The following EEF2 variants were observed in gnomAD, a reference collection of about 807,000 sequenced individuals.
The protein encoded by EEF2 is eukaryotic translation elongation factor 2.
In EEF2, 21 loss-of-function variants were observed where a neutral mutation model predicts 85.3. The ratio of observed to expected loss-of-function variants is 0.25; its 90% CI spans 0.17 to 0.35. The LOEUF is 0.35. Among genes scored for constraint, EEF2 ranks in the 10% least tolerant of loss-of-function variants. The pLI is 1.00. For missense variants in EEF2, 825 were observed against 1,225.3 expected, an observed-to-expected ratio of 0.67 and a Z score of 4.88; for synonymous variants, 723 against 508.8, an observed-to-expected ratio of 1.42 and a Z score of -5.67.
rs45443207 is a variant in EEF2 at position 3,981,528 on chromosome 19, A to G, written c.898-76T>C. ...AAGCCTGGCACTGCTTCCTGCTTGG[A>G]AGACTCAGGTCAGCGCAGGGGGACG... is the stretch of plus-strand genomic sequence containing the variant. On this transcript the variant is annotated intron_variant, in intron 6 of 14. Transcript: ENST00000309311. The G allele has an allele frequency of 0.13, 178,935 of 1,391,838 alleles. 20,114 individuals are homozygous for G. The highest frequency in any genetic ancestry group is 0.58 in the African/African-American group (41,167 of 70,508). The allele number at this position is 1,391,838 out of a possible 1,614,324, so 86.2% of individuals were successfully genotyped here.
At chr19:3,980,819 C>G (rs1242451853) in intron 8 of EEF2, 22 bp downstream of exon 8, 1 of 1,577,024 alleles carries the variant, frequency 6.3e-7, no homozygotes, top group Non-Finnish European at 8.6e-7. Flanking sequence ...CATCTCAGGG[C>G]CCGGCCACCG....
At position 3,982,319 on chromosome 19, in the gene EEF2, C is replaced by T; in HGVS notation, c.718G>A (p.Gly240Arg). 2 of 1,614,170 alleles carry T rather than the reference C, an allele frequency of 1.2e-6. No individual in the cohort carries two copies. Among genetic ancestry groups the T allele is most frequent in the Non-Finnish European group, 1.7e-6 (2 of 1,180,026 alleles). The change falls in exon 5 of 15, where the codon GGG becomes AGG. Residue 240 changes from glycine to arginine, a missense_variant. By Grantham distance (125) the Gly-to-Arg change is moderately radical. Transcript: ENST00000309311. Reference sequence around the variant, plus strand: ...TCGGCAGGCCCCAACTGGCCCTCCCCCTTGGCGGCGAACTTGGCCACATAC... The same window carrying T: ...TCGGCAGGCCCCAACTGGCCCTCCCTCTTGGCGGCGAACTTGGCCACATAC... ...EMYVAKFAAKGEGQLGPAERA... is the reference protein window; with the variant it reads ...EMYVAKFAAKREGQLGPAERA...
Position 3,977,834 on chromosome 19 carries a change from C to T in EEF2, c.2052G>A (p.Gln684=). ...EIKDSVVAGF[Q]WATKEGALCE... ...CGTGCCTCACCTCCTTGGTGGCCCA[C>T]TGGAAGCCGGCCACCACACTGTCCT... Residue 684 remains glutamine, a synonymous_variant, in exon 12 of 15, where the codon CAG becomes CAA. Transcript: ENST00000309311. This position sits in a 1 kb window ranked among gnomAD's most constrained non-coding sequence, Gnocchi z 5.4. 6.3e-7 allele frequency: 1 copy of T among 1,585,174 alleles called. No individual in the cohort carries two copies.
In EEF2 at chr19:3,977,643, G is replaced by A. The variant is rs753434776; in HGVS notation, c.2068-33C>T. The A allele has an allele frequency of 8.5e-5, 126 of 1,490,912 alleles. No homozygotes were observed. Among genetic ancestry groups the A allele is most frequent in the Middle Eastern group, 4.2e-4 (2 of 4,714 alleles). The allele number at this position is 1,490,912 out of a possible 1,614,324, so 92.4% of individuals were successfully genotyped here. ...AGGGGGAGAGCCACCGTCAAGGGCC[G>A]GACACACCTCGGCTGCTTGCCCTCC... is the stretch of plus-strand genomic sequence containing the variant. On this transcript the variant is annotated intron_variant, in intron 12 of 14. Transcript: ENST00000309311. This position sits in a 1 kb window ranked among gnomAD's most constrained non-coding sequence, Gnocchi z 5.4.
rs749017577 is a variant in EEF2, at chr19:3,977,521, G to A, written c.2157C>T (p.Gly719=). The change falls in exon 13 of 15, where the codon GGC becomes GGT. Residue 719 remains glycine, a synonymous_variant. Transcript: ENST00000309311. The surrounding 1 kb of genome is among the most constrained non-coding windows in gnomAD (Gnocchi z 5.4). Reference sequence around the variant, plus strand: ...AGCGCCGTGCTGTGGGGATGATCTGGCCCCCTCCGCGGTGGATGGCGTCGG... The same window carrying A: ...AGCGCCGTGCTGTGGGGATGATCTGACCCCCTCCGCGGTGGATGGCGTCGG... ...LHADAIHRGG[G]QIIPTARRCL... is the part of the protein sequence containing the mutation. 6.3e-7 allele frequency: 1 copy of A among 1,590,650 alleles called. No homozygotes were observed. The highest frequency in any genetic ancestry group is 1.1e-5 in the South Asian group (1 of 89,124).
At position 3,977,349 on chromosome 19, in the gene EEF2, TG is replaced by T; in HGVS notation, c.2251-3del. The T allele has an allele frequency of 6.3e-7, 1 of 1,591,234 alleles. No individual in the cohort carries two copies. The highest frequency in any genetic ancestry group is 8.6e-7 in the Non-Finnish European group (1 of 1,169,308). ...GCCACCGACCACCTGCTCTGGACAC[TG>T]CCAGAAGGGAAAGAAAACCTGTCAG... On this transcript the variant is annotated splice_region_variant and splice_polypyrimidine_tract_variant and intron_variant, in intron 13 of 14. Coordinates refer to ENST00000309311, the MANE Select transcript of EEF2 (RefSeq NM_001961.4). This position sits in a 1 kb window ranked among gnomAD's most constrained non-coding sequence, Gnocchi z 5.4.
chr19:3,976,533 A>C lies in EEF2; in HGVS notation c.*21T>G. On this transcript the variant is annotated 3_prime_UTR_variant, in exon 15 of 15. Coordinates refer to ENST00000309311, the MANE Select transcript of EEF2 (RefSeq NM_001961.4). The stretch of plus-strand genomic sequence containing the variant: ...GGGTGCTGCGAGTCCCCGGGGCGGC[A>C]GGCGCTGCAGGAAGGGCCGCCTACA... 6.3e-7 allele frequency: 1 copy of C among 1,588,650 alleles called. No individual in the cohort carries two copies. The highest frequency in any genetic ancestry group is 8.6e-7 in the Non-Finnish European group (1 of 1,168,276).
rs1292862933 is a variant in EEF2 at position 3,977,515 on chromosome 19, G to A, written c.2163C>T (p.Ile721=). 15 of 1,591,934 alleles carry A rather than the reference G, an allele frequency of 9.4e-6. No homozygotes were observed. The highest frequency in any genetic ancestry group is 1.3e-5 in the Non-Finnish European group (15 of 1,174,812). ...AGAGGCAGCGCCGTGCTGTGGGGAT[G>A]ATCTGGCCCCCTCCGCGGTGGATGG... ...ADAIHRGGGQ[I]IPTARRCLYA... The change falls in exon 13 of 15, where the codon ATC becomes ATT. Residue 721 remains isoleucine, a synonymous_variant. Transcript: ENST00000309311. This position sits in a 1 kb window ranked among gnomAD's most constrained non-coding sequence, Gnocchi z 5.4.
Position 3,977,066 on chromosome 19 carries a change from C to A in EEF2, c.2383+149G>T, listed in dbSNP as rs1310193423. 5 of 1,216,584 alleles carry A rather than the reference C, an allele frequency of 4.1e-6. No individual in the cohort carries two copies. The highest frequency in any genetic ancestry group is 5.6e-6 in the Non-Finnish European group (5 of 890,636). The allele number at this position is 1,216,584 out of a possible 1,614,324, so 75.4% of individuals were successfully genotyped here. A position where few individuals can be genotyped will look rare whatever the true frequency, so the allele number is the denominator to read the frequency against. ...CTGGGAATTCAGTGATTTAGGGGGT[C>A]CACAAGCTGTCAGAAACTGGACCAC... On this transcript the variant is annotated intron_variant, in intron 14 of 14. Transcript: ENST00000309311. This position sits in a 1 kb window ranked among gnomAD's most constrained non-coding sequence, Gnocchi z 5.4.
intron 6 of EEF2, 39 bp downstream of exon 6, chr19:3,981,908 A>G (rs1441391541): frequency 6.3e-7 from 1 of 1,587,986 alleles, no homozygotes; most frequent in African/African-American, 1.3e-5. Flanking sequence ...GAGGGCCAAT[A>G]GTCGCATCGG....
At position 3,981,429 on chromosome 19, in the gene EEF2, G is replaced by A. The variant is rs1466287029; in HGVS notation, c.921C>T (p.Phe307=). The change falls in exon 7 of 15, where the codon TTC becomes TTT. Residue 307 remains phenylalanine (F), a synonymous_variant. Transcript: ENST00000309311. ...TCAGTTTTGCTGTCTCCTCTTTCTT[G>A]AAATTCATGATCGCATCAAACACCT... ...IFKVFDAIMN[F]KKEETAKLIE... The A allele has an allele frequency of 1.2e-6, 2 of 1,614,146 alleles. No individual in the cohort carries two copies. The highest frequency in any genetic ancestry group is 1.3e-5 in the African/African-American group (1 of 75,050).
At position 3,977,399 on chromosome 19, in the gene EEF2, A is replaced by T. The variant is rs758267034; in HGVS notation, c.2250+29T>A. ...AGTGGCCGCTGGGCAGGACGGTGGC[A>T]GGGTCAGCGGTGGGCGGGTAGACCT... On this transcript the variant is annotated intron_variant, in intron 13 of 14. Transcript: ENST00000309311. The surrounding 1 kb of genome is among the most constrained non-coding windows in gnomAD (Gnocchi z 5.4). 3.8e-6 allele frequency: 6 copies of T among 1,591,302 alleles called. No individual in the cohort carries two copies. In the South Asian group the frequency reaches 6.8e-5, roughly 18 times the overall value.
Position 3,981,369 on chromosome 19 carries a change from G to T in EEF2, c.981C>A (p.Asp327Glu), listed in dbSNP as rs762204921. 1 of 1,614,224 alleles carries T rather than the reference G, an allele frequency of 6.2e-7. No individual in the cohort carries two copies. Among genetic ancestry groups the T allele is most frequent in the Non-Finnish European group, 8.5e-7 (1 of 1,180,046 alleles). The change falls in exon 7 of 15, where the codon GAC (aspartate) becomes GAA (glutamate). Residue 327 changes from aspartate (D) to glutamate (E), a missense_variant. Transcript: ENST00000309311. The part of the protein sequence containing the change: ...EKLDIKLDSE[D>E]KDKEGKPLLK... ...GCAGGGGTTTGCCTTCTTTGTCCTT[G>T]TCCTCGCTGTCCAGTTTGATGTCCA...
Position 3,976,061 on chromosome 19 carries a change from A to AC in EEF2, c.*492dup, listed in dbSNP as rs532694655. ...GTGAAAAATGCAGAACAGAGTCACC[A>AC]CCTTATCAAATTTATTATTCCAATG... On this transcript the variant is annotated 3_prime_UTR_variant, in exon 15 of 15. Transcript: ENST00000309311. 4.1e-3 allele frequency: 702 copies of AC among 170,518 alleles called. 18 individuals are homozygous for AC. Among genetic ancestry groups the AC allele is most frequent in the Admixed American group, 0.034 (610 of 17,954 alleles). The allele number at this position is 170,518 out of a possible 1,614,324, so 10.6% of individuals were successfully genotyped here. A position where few individuals can be genotyped will look rare whatever the true frequency, so the allele number is the denominator to read the frequency against.
intron 6 of EEF2, among the ~76,000 whole-genome samples, chr19:3,981,744 G>C (rs1046017082): frequency 6.6e-6 from 1 of 152,248 alleles, no homozygotes. Flanking sequence ...CAATGCAGGA[G>C]AGGTCCCAAG....
At position 3,985,441 on chromosome 19, in the gene EEF2, T is replaced by A. The variant is rs529755390; in HGVS notation, c.-61A>T. The A allele has an allele frequency of 3.6e-5, 52 of 1,445,922 alleles. No homozygotes were observed. The highest frequency in any genetic ancestry group is 4.6e-5 in the Non-Finnish European group (50 of 1,093,640). The allele number at this position is 1,445,922 out of a possible 1,614,324, so 89.6% of individuals were successfully genotyped here. A position where few individuals can be genotyped will look rare whatever the true frequency, so the allele number is the denominator to read the frequency against. ...CGAAAGAAGCGAGTCGCGCCGAGGA[T>A]GGCGGCGACGACGGCGGAAGAGAAC... On this transcript the variant is annotated 5_prime_UTR_variant, in exon 1 of 15. Coordinates refer to ENST00000309311, the MANE Select transcript of EEF2 (RefSeq NM_001961.4).
chr19:3,977,975 C>T lies in EEF2; in HGVS notation c.1911G>A (p.Glu637=), dbSNP rs746161915. ...ELKQRARYLA[E]KYEWDVAEAR... ...CCTCAGCCACGTCCCACTCGTACTTCTCGGCCAGGTAGCGCGCCCGCTGCT... is the reference window on the plus strand; with the variant it reads ...CCTCAGCCACGTCCCACTCGTACTTTTCGGCCAGGTAGCGCGCCCGCTGCT... The change falls in exon 12 of 15, where the codon GAG becomes GAA. Residue 637 remains glutamate (E), a synonymous_variant. Coordinates refer to ENST00000309311, the MANE Select transcript of EEF2 (RefSeq NM_001961.4). The surrounding 1 kb of genome is among the most constrained non-coding windows in gnomAD (Gnocchi z 5.4). The T allele has an allele frequency of 1.2e-6, 2 of 1,613,198 alleles. No individual in the cohort carries two copies. The highest frequency in any genetic ancestry group is 2.2e-5 in the East Asian group (1 of 44,856).
chr19:3,980,176 C>T (rs888016814), intron 9 of EEF2, 110 bp from the exon 10 acceptor site: 4 of 1,458,782 alleles, frequency 2.7e-6, no homozygotes, highest in African/African-American at 1.4e-5. Context: ...GGTCCCAGGG[C>T]AGACTGGTGG....
chr19:3,978,978 A>G (rs2039710965), intron 11 of EEF2, among the ~76,000 whole-genome samples: 1 of 151,720 alleles, frequency 6.6e-6, no homozygotes, highest in Admixed American at 6.6e-5. Context: ...ACAAAAAAAA[A>G]TTAGCCGGGC....
Sources: gnomAD v4.1 joint callset for allele counts (sites outside exome capture counted in the v4.1 genomes callset) on GRCh38, gnomAD v4.1.1 for gene constraint, Gnocchi (gnomAD v3.1) non-coding constraint, MANE v1.5 for transcripts, NCBI Gene and HGNC (gene_info 2026-07-23, HGNC 2026-07-21) for gene names.